Variants in SLC24A2 observed in about 807,000 individuals in gnomAD.
SLC24A2 encodes sodium/potassium/calcium exchanger 2.
A neutral mutation model predicts 62.0 loss-of-function variants in SLC24A2; 36 were observed. That is an observed-to-expected ratio of 0.58 (90% confidence interval 0.44 to 0.77). SLC24A2 has a LOEUF of 0.77. Among genes scored for constraint, SLC24A2 ranks in the 30% least tolerant of loss-of-function variants. SLC24A2 has a pLI of 0.00. For synonymous variants in SLC24A2, 358 were observed against 294.0 expected, an observed-to-expected ratio of 1.22 and a Z score of -2.23; for missense variants, 846 against 817.9, an observed-to-expected ratio of 1.03 and a Z score of -0.42.
intron 2 of SLC24A2, among the ~76,000 whole-genome samples, chr9:19,721,273 T>C (rs1453592613): frequency 6.6e-6 from 1 of 152,174 alleles, no homozygotes; most frequent in East Asian, 1.9e-4. Flanking sequence ...TGTATATTCA[T>C]AGAGACCCAG....
intron 2 of SLC24A2, among the ~76,000 whole-genome samples, chr9:19,652,902 T>C (rs1352866123): frequency 1.3e-5 from 2 of 151,710 alleles, no homozygotes; most frequent in Non-Finnish European, 2.9e-5. Context: ...TGTGATTATG[T>C]GAGCAGAACG....
Position 19,718,703 on chromosome 9 carries a change from T to C in SLC24A2, c.930+67234A>G, listed in dbSNP as rs147914166. Among the ~76,000 whole-genome samples the C allele has an allele frequency of 3.0e-3, 452 of 152,282 alleles. 2 individuals are homozygous for C. The highest frequency in any genetic ancestry group is 9.2e-3 in the African/African-American group (384 of 41,528). On this transcript the variant is annotated intron_variant, in intron 2 of 10. Transcript: ENST00000341998. ...CTTATGGTCACTGCATCACGGACAC[T>C]GAATGACTAGACCTCGACATGAATC...
chr9:20,026,448 A>G, the SLC24A2 span, among the ~76,000 whole-genome samples: 4 of 152,214 alleles, frequency 2.6e-5, no homozygotes, highest in Non-Finnish European at 5.9e-5. Context: ...CATTTAAAAA[A>G]TCCCTAGGAC....
the SLC24A2 span, among the ~76,000 whole-genome samples, chr9:19,953,739 C>G: frequency 6.6e-6 from 1 of 152,040 alleles, no homozygotes; most frequent in East Asian, 1.9e-4. Flanking sequence ...GGGATATACA[C>G]CTGTTAGGCA....
intron 5 of SLC24A2, among the ~76,000 whole-genome samples, chr9:19,596,010 G>A (rs1201354399): frequency 6.6e-6 from 1 of 152,106 alleles, no homozygotes; most frequent in Non-Finnish European, 1.5e-5. Flanking sequence ...CTGTTGGTAG[G>A]GCCCAGTGTG....
intron 3 of SLC24A2, 76 bp from the exon 4 acceptor site, chr9:19,619,768 G>T (rs1370302208): frequency 9.2e-7 from 1 of 1,081,286 alleles, no homozygotes; most frequent in Non-Finnish European, 1.4e-6. Context: ...TCCTCACCTA[G>T]TCTGGTGGCC....
chr9:19,671,972 T>C (rs1819431217), intron 2 of SLC24A2, among the ~76,000 whole-genome samples: 1 of 146,276 alleles, frequency 6.8e-6, no homozygotes, highest in Admixed American at 6.7e-5. Context: ...TTGTTAAGGA[T>C]TTTTGCATCT....
At chr9:19,943,077 A>C in the SLC24A2 span, among the ~76,000 whole-genome samples, 1 of 152,244 alleles carries the variant, frequency 6.6e-6, no homozygotes, top group Admixed American at 6.5e-5. Flanking sequence ...GCTTAAATGC[A>C]ATATTAACAA....
the SLC24A2 span, among the ~76,000 whole-genome samples, chr9:19,965,797 C>T: frequency 6.6e-6 from 1 of 152,128 alleles, no homozygotes; most frequent in African/African-American, 2.4e-5. Context: ...TCATTTACCA[C>T]GACCCATCCT....
At chr9:19,552,086 T>G (rs1436501539) in intron 7 of SLC24A2, among the ~76,000 whole-genome samples, 1 of 152,192 alleles carries the variant, frequency 6.6e-6, no homozygotes, top group East Asian at 1.9e-4. Flanking sequence ...GGATCCTTTT[T>G]AAATATACAC....
chr9:19,622,648 T>A (rs1817936226), intron 2 of SLC24A2, among the ~76,000 whole-genome samples: 1 of 152,222 alleles, frequency 6.6e-6, no homozygotes, highest in Non-Finnish European at 1.5e-5. Flanking sequence ...ATGGAAAATA[T>A]CTATTGATAA....
chr9:20,020,632 G>C, the SLC24A2 span, among the ~76,000 whole-genome samples: 1 of 152,172 alleles, frequency 6.6e-6, no homozygotes, highest in African/African-American at 2.4e-5. Context: ...ATGATGGGTT[G>C]ATGGGTGTAG....
chr9:19,687,206 A>G (rs1020934522), intron 2 of SLC24A2, among the ~76,000 whole-genome samples: 1 of 152,092 alleles, frequency 6.6e-6, no homozygotes, highest in Non-Finnish European at 1.5e-5. Flanking sequence ...GTGACAACAT[A>G]ATCTGTACAC....
chr9:19,619,939 T>C lies in SLC24A2; in HGVS notation c.970-247A>G, dbSNP rs533648093. Among the ~76,000 whole-genome samples the C allele has an allele frequency of 3.2e-4, 49 of 152,248 alleles. 1 individual carries two copies. Among genetic ancestry groups the C allele is most frequent in the Non-Finnish European group, 6.8e-4 (46 of 68,050 alleles). On this transcript the variant is annotated intron_variant, in intron 3 of 10. Coordinates refer to ENST00000341998, the MANE Select transcript of SLC24A2 (RefSeq NM_020344.4). ...TGTAAATGCCAGACAATGTGTTATATGCTTCACATCCCTTCATTTATCTTA... is the reference window on the plus strand; with the variant it reads ...TGTAAATGCCAGACAATGTGTTATACGCTTCACATCCCTTCATTTATCTTA...
chr9:19,886,827 A>G, the SLC24A2 span, among the ~76,000 whole-genome samples: 2 of 152,230 alleles, frequency 1.3e-5, no homozygotes, highest in African/African-American at 2.4e-5. Flanking sequence ...GATAGACTAG[A>G]TGAATAAAAT....
chr9:20,123,023 G>C, the SLC24A2 span, among the ~76,000 whole-genome samples: 1 of 152,060 alleles, frequency 6.6e-6, no homozygotes, highest in East Asian at 1.9e-4. Context: ...TTCTATTCAG[G>C]ATGCTATAAC....
chr9:19,667,599 T>G (rs1819293059), intron 2 of SLC24A2, among the ~76,000 whole-genome samples: 1 of 152,144 alleles, frequency 6.6e-6, no homozygotes, highest in Non-Finnish European at 1.5e-5. Context: ...ATTCTCTACT[T>G]CAGTCCATGG....
At chr9:20,157,990 G>C in the SLC24A2 span, among the ~76,000 whole-genome samples, 1 of 151,570 alleles carries the variant, frequency 6.6e-6, no homozygotes, top group African/African-American at 2.4e-5. Context: ...AGTTTCAGTT[G>C]AAACTTCTCT....
In SLC24A2 at chr9:19,599,501, C is replaced by A. The variant is rs762141790; in HGVS notation, c.1079-2222G>T. ...GCCCAAACAAAGAGAACCATGTTTA[C>A]AGTTTACTGAAGAAAAGTCAGAAAA... On this transcript the variant is annotated intron_variant, in intron 4 of 10. Transcript: ENST00000341998. This position sits in a 1 kb window ranked among gnomAD's most constrained non-coding sequence, Gnocchi z 4.5. 1.3e-5 allele frequency among the ~76,000 whole-genome samples: 2 copies of A among 152,120 alleles called. No individual in the cohort carries two copies. The highest frequency in any genetic ancestry group is 4.8e-5 in the African/African-American group (2 of 41,434).
Sources: gnomAD v4.1 joint callset for allele counts (sites outside exome capture counted in the v4.1 genomes callset) on GRCh38, gnomAD v4.1.1 for gene constraint, Gnocchi (gnomAD v3.1) non-coding constraint, MANE v1.5 for transcripts, NCBI Gene and HGNC (gene_info 2026-07-23, HGNC 2026-07-21) for gene names.